The following MIPOL1 variants were observed in gnomAD, a reference collection of about 807,000 sequenced individuals.
MIPOL1 encodes the protein mirror-image polydactyly gene 1 protein.
Under a neutral mutation model 60.9 loss-of-function variants are expected in MIPOL1, and 57 were observed. That is an observed-to-expected ratio of 0.94 (90% confidence interval 0.76 to 1.17). The LOEUF (loss-of-function observed/expected upper bound fraction) is 1.17, where lower values mean the gene tolerates loss of function less well. Ranked by LOEUF, MIPOL1 falls within the 50% of genes most tolerant of loss-of-function variation. MIPOL1 has a pLI of 0.00. For synonymous variants in MIPOL1, 179 were observed against 168.8 expected, an observed-to-expected ratio of 1.06 and a Z score of -0.47; for missense variants, 551 against 511.6, an observed-to-expected ratio of 1.08 and a Z score of -0.74.
chr14:37,351,986 A>G (rs201135682), intron 9 of MIPOL1, among the ~76,000 whole-genome samples: 10,256 of 134,098 alleles, frequency 0.076, 565 homozygotes, highest in East Asian at 0.3. Context: ...GCCCATGCCT[A>G]TGTCCTGAAT....
chr14:37,223,863 G>A (rs887716917), intron 1 of MIPOL1, among the ~76,000 whole-genome samples: 1 of 152,148 alleles, frequency 6.6e-6, no homozygotes, highest in African/African-American at 2.4e-5. Flanking sequence ...TTGAAATTAT[G>A]TACTGCTAAA....
At chr14:37,238,729 C>T (rs990503624) in intron 1 of MIPOL1, among the ~76,000 whole-genome samples, 6 of 150,810 alleles carry the variant, frequency 4.0e-5, no homozygotes, top group African/African-American at 9.8e-5. Context: ...CTCTGGTGAT[C>T]GCTTGAGCCT....
intron 9 of MIPOL1, among the ~76,000 whole-genome samples, chr14:37,362,728 G>A (rs34153734): frequency 0.3 from 46,250 of 152,002 alleles, 7,247 homozygotes; most frequent in East Asian, 0.46. Context: ...CATTCTCCCC[G>A]TCACTTTCCG....
At chr14:37,496,715 G>A (rs1373280952) in intron 11 of MIPOL1, among the ~76,000 whole-genome samples, 1 of 151,968 alleles carries the variant, frequency 6.6e-6, no homozygotes, top group East Asian at 1.9e-4. Flanking sequence ...TCGTGAAAAT[G>A]GCCATACTGC....
In MIPOL1 at chr14:37,496,945, A is replaced by G. The variant is rs1203077436; in HGVS notation, c.1032-2963A>G. 5.6e-3 allele frequency among the ~76,000 whole-genome samples: 842 copies of G among 151,068 alleles called. 4 individuals carry two copies. Among genetic ancestry groups the G allele is most frequent in the African/African-American group, 0.02 (800 of 40,438 alleles). ...ACCAAAACAGCATGGTACTGGTACC[A>G]AAACAGAGATATAGATCAATGGAAC... On this transcript the variant is annotated intron_variant, in intron 11 of 12. Coordinates refer to ENST00000684589, the MANE Select transcript of MIPOL1 (RefSeq NM_001388067.1).
intron 9 of MIPOL1, among the ~76,000 whole-genome samples, chr14:37,353,775 C>T (rs1387565316): frequency 2.6e-5 from 4 of 152,002 alleles, no homozygotes; most frequent in African/African-American, 9.7e-5. Flanking sequence ...TTTTTTAATG[C>T]GTATATTTGA....
intron 10 of MIPOL1, among the ~76,000 whole-genome samples, chr14:37,377,284 G>T (rs1318228453): frequency 3.3e-5 from 5 of 152,128 alleles, no homozygotes. Flanking sequence ...CAGTAGGGGA[G>T]GAGGAAAGAG....
chr14:37,247,358 G>T (rs940269529), intron 2 of MIPOL1, 118 bp downstream of exon 2: 2 of 152,066 alleles, frequency 1.3e-5, no homozygotes, highest in African/African-American at 4.8e-5. Context: ...AGTTAGTGGT[G>T]GTCTTTATGT....
Position 37,273,428 on chromosome 14 carries a change from ACT to A in MIPOL1, c.493+2906_493+2907del, listed in dbSNP as rs1436657081. 2.0e-5 allele frequency among the ~76,000 whole-genome samples: 3 copies of A among 150,830 alleles called. No homozygotes were observed. In the East Asian group the frequency reaches 5.8e-4, roughly 29 times the overall value. On this transcript the variant is annotated intron_variant, in intron 6 of 12. Coordinates refer to ENST00000684589, the MANE Select transcript of MIPOL1 (RefSeq NM_001388067.1). ...TAATCTTAAAATTTGAGACATAAAG[ACT>A]CTATGGTTTTATGAAAACCATATGA...
chr14:37,360,080 T>C (rs1405329320), intron 9 of MIPOL1, among the ~76,000 whole-genome samples: 3 of 152,162 alleles, frequency 2.0e-5, no homozygotes, highest in Non-Finnish European at 4.4e-5. Flanking sequence ...GAGACAATCA[T>C]GTGGTTTTTG....
intron 1 of MIPOL1, among the ~76,000 whole-genome samples, chr14:37,209,923 C>G (rs1966665508): frequency 6.6e-6 from 1 of 151,476 alleles, no homozygotes; most frequent in South Asian, 2.1e-4. Context: ...GTTGCCCAGA[C>G]TAGTCTTAAA....
intron 3 of MIPOL1, among the ~76,000 whole-genome samples, chr14:37,263,818 T>C (rs1046815473): frequency 6.6e-6 from 1 of 152,172 alleles, no homozygotes; most frequent in Non-Finnish European, 1.5e-5. Flanking sequence ...TTTCAAACCA[T>C]ATGAAAGAGA....
intron 12 of MIPOL1, among the ~76,000 whole-genome samples, chr14:37,542,835 G>A (rs964976101): frequency 1.3e-5 from 2 of 152,164 alleles, no homozygotes; most frequent in Non-Finnish European, 2.9e-5. Flanking sequence ...ACAATGCCTG[G>A]CACATAGGAA....
intron 1 of MIPOL1, among the ~76,000 whole-genome samples, chr14:37,209,671 G>T (rs1966626320): frequency 6.6e-6 from 1 of 151,916 alleles, no homozygotes; most frequent in South Asian, 2.1e-4. Flanking sequence ...AAACAGAAAA[G>T]AAAAGAAATT....
At chr14:37,298,457 T>C (rs1398111074) in intron 7 of MIPOL1, among the ~76,000 whole-genome samples, 1 of 152,178 alleles carries the variant, frequency 6.6e-6, no homozygotes, top group Non-Finnish European at 1.5e-5. Flanking sequence ...AAATGGGATC[T>C]AATTAAATGA....
At chr14:37,434,772 G>A (rs1288081274) in intron 11 of MIPOL1, among the ~76,000 whole-genome samples, 1 of 149,720 alleles carries the variant, frequency 6.7e-6, no homozygotes, top group African/African-American at 2.5e-5. Context: ...GTCTTCCACT[G>A]ATTGGATAAG....
intron 11 of MIPOL1, among the ~76,000 whole-genome samples, chr14:37,444,261 T>G (rs2094297282): frequency 2.0e-5 from 3 of 152,194 alleles, no homozygotes; most frequent in Admixed American, 2.0e-4. Flanking sequence ...TACATATTGA[T>G]CTGAATTAAC....
intron 12 of MIPOL1, among the ~76,000 whole-genome samples, chr14:37,510,179 GTA>G (rs2095316238): frequency 6.6e-6 from 1 of 151,872 alleles, no homozygotes; most frequent in Non-Finnish European, 1.5e-5. Flanking sequence ...GACATAGACT[GTA>G]TATATGTATG....
chr14:37,355,133 C>A (rs1266255452), intron 9 of MIPOL1, among the ~76,000 whole-genome samples: 1 of 149,434 alleles, frequency 6.7e-6, no homozygotes, highest in Non-Finnish European at 1.5e-5. Flanking sequence ...ATTTGCTTGT[C>A]TGTAAAGTAT....
Sources: allele counts gnomAD v4.1 joint callset (sites outside exome capture counted in the v4.1 genomes callset), GRCh38; gene constraint gnomAD v4.1.1; transcripts MANE v1.5; gene names NCBI Gene and HGNC (gene_info 2026-07-23, HGNC 2026-07-21).